The following NUS1 variants were observed in gnomAD, a reference collection of about 807,000 sequenced individuals.
NUS1 encodes dehydrodolichyl diphosphate synthase complex subunit NUS1.
For synonymous variants in NUS1, 135 were observed against 155.2 expected (o/e 0.87, Z 0.97); for missense variants, 292 against 382.9 (o/e 0.76, Z 1.98).
intron 4 of NUS1, among the ~76,000 whole-genome samples, chr6:117,704,887 A>C (rs2114694679): frequency 6.6e-6 from 1 of 152,292 alleles, no homozygotes; most frequent in Admixed American, 6.5e-5. Flanking sequence ...GGATACACTT[A>C]GTGTAGAACA....
At chr6:117,683,064 G>C (rs1306224739) in intron 1 of NUS1, among the ~76,000 whole-genome samples, 1 of 152,188 alleles carries the variant, frequency 6.6e-6, no homozygotes, top group Non-Finnish European at 1.5e-5. Context: ...CTCCAGCTTT[G>C]TGTTGAGCTG....
In NUS1 at chr6:117,676,607, A is replaced by G. The variant is rs142068144; in HGVS notation, c.415+522A>G. Among the ~76,000 whole-genome samples the G allele has an allele frequency of 4.3e-3, 651 of 152,324 alleles. 2 individuals carry two copies. The highest frequency in any genetic ancestry group is 0.015 in the African/African-American group (609 of 41,560). Reference sequence around the variant, plus strand: ...TAAGTAAATAAATAAATAAAAATAAATAAAAAATCTCTTATTCGTTATAAT... The same window carrying G: ...TAAGTAAATAAATAAATAAAAATAAGTAAAAAATCTCTTATTCGTTATAAT... On this transcript the variant is annotated intron_variant, in intron 1 of 4. Coordinates refer to ENST00000368494, the MANE Select transcript of NUS1 (RefSeq NM_138459.5).
At chr6:117,697,661 A>G (rs796737103) in intron 3 of NUS1, among the ~76,000 whole-genome samples, 8 of 152,060 alleles carry the variant, frequency 5.3e-5, no homozygotes, top group African/African-American at 1.9e-4. Flanking sequence ...ATATAAAGCC[A>G]ATATTAATAG....
chr6:117,705,618 TAC>T (rs1773489610), intron 4 of NUS1, among the ~76,000 whole-genome samples: 1 of 151,956 alleles, frequency 6.6e-6, no homozygotes, highest in Non-Finnish European at 1.5e-5. Flanking sequence ...TTAATCATAA[TAC>T]AGAGAAGGGA....
At position 117,706,909 on chromosome 6, in the gene NUS1, C is replaced by T. The variant is rs1049247260; in HGVS notation, c.792-16C>T. On this transcript the variant is annotated splice_polypyrimidine_tract_variant and intron_variant, in intron 4 of 4. Transcript: ENST00000368494. ...GTATATCTAATTGCTTTTCTCCCCC[C>T]GTGTTTTCTTTTCAGCTCTTTGCCT... 7.5e-6 allele frequency: 12 copies of T among 1,605,082 alleles called. No homozygotes were observed. The highest frequency in any genetic ancestry group is 4.5e-5 in the East Asian group (2 of 44,800).
chr6:117,681,915 C>T (rs757265423), intron 1 of NUS1, among the ~76,000 whole-genome samples: 4 of 152,196 alleles, frequency 2.6e-5, no homozygotes, highest in South Asian at 2.1e-4. Context: ...TCACTGCGAC[C>T]TCTGCCTCCG....
intron 2 of NUS1, among the ~76,000 whole-genome samples, chr6:117,693,675 T>C (rs1773276240): frequency 6.6e-6 from 1 of 152,232 alleles, no homozygotes; most frequent in African/African-American, 2.4e-5. Context: ...TTATTCTGTG[T>C]TACTGCTAAC....
intron 1 of NUS1, among the ~76,000 whole-genome samples, chr6:117,681,367 T>C (rs965559518): frequency 4.6e-5 from 7 of 152,236 alleles, no homozygotes; most frequent in African/African-American, 1.7e-4. Context: ...GTGTTATGCA[T>C]GTAATGAATA....
At chr6:117,684,892 T>TA (rs1048130094) in intron 1 of NUS1, among the ~76,000 whole-genome samples, 10 of 152,092 alleles carry the variant, frequency 6.6e-5, no homozygotes, top group South Asian at 2.1e-4. Flanking sequence ...ATTACACAAG[T>TA]AAAAAAAGCA....
intron 4 of NUS1, among the ~76,000 whole-genome samples, chr6:117,704,083 A>G (rs1436543209): frequency 6.6e-6 from 1 of 152,186 alleles, no homozygotes; most frequent in Non-Finnish European, 1.5e-5. Flanking sequence ...ACCAGAGCAG[A>G]CAGTGTTAGG....
intron 1 of NUS1, among the ~76,000 whole-genome samples, chr6:117,684,704 C>T (rs959817084): frequency 2.0e-5 from 3 of 152,074 alleles, no homozygotes; most frequent in African/African-American, 4.8e-5. Context: ...CTACTTTCCT[C>T]GAATGTGATG....
At chr6:117,683,555 C>T (rs1343440771) in intron 1 of NUS1, among the ~76,000 whole-genome samples, 1 of 152,146 alleles carries the variant, frequency 6.6e-6, no homozygotes, top group African/African-American at 2.4e-5. Context: ...ATTTTTAGAA[C>T]AGGCATTTAT....
chr6:117,688,655 A>G (rs1415087815), intron 1 of NUS1, among the ~76,000 whole-genome samples: 1 of 152,172 alleles, frequency 6.6e-6, no homozygotes, highest in African/African-American at 2.4e-5. Context: ...TCCGAGAGCT[A>G]GCTTTATTAG....
At chr6:117,693,903 T>TA in intron 2 of NUS1, 128 bp from the exon 3 acceptor site, 9 of 971,768 alleles carry the variant, frequency 9.3e-6, no homozygotes, top group East Asian at 2.8e-5. Flanking sequence ...TTGAAGGGCT[T>TA]AAAAAATTCT....
At chr6:117,685,372 TTTTC>T (rs1315487098) in intron 1 of NUS1, among the ~76,000 whole-genome samples, 9 of 152,122 alleles carry the variant, frequency 5.9e-5, no homozygotes, top group Admixed American at 5.2e-4. Flanking sequence ...TTGATATATC[TTTTC>T]TTTCTTTCTT....
intron 1 of NUS1, among the ~76,000 whole-genome samples, chr6:117,684,828 TG>T (rs1442983539): frequency 6.6e-6 from 1 of 152,240 alleles, no homozygotes; most frequent in African/African-American, 2.4e-5. Context: ...AAAAACTTTT[TG>T]TTTAATACAG....
chr6:117,703,784 G>A, intron 4 of NUS1, 80 bp downstream of exon 4: 1 of 964,480 alleles, frequency 1.0e-6, no homozygotes, highest in Non-Finnish European at 1.7e-6. Context: ...GATCTGGTGG[G>A]GATTTCCAAA....
At chr6:117,701,119 C>T (rs1028335081) in intron 3 of NUS1, among the ~76,000 whole-genome samples, 1 of 150,734 alleles carries the variant, frequency 6.6e-6, no homozygotes, top group Non-Finnish European at 1.5e-5. Context: ...AAAAACTCTG[C>T]TGGGGTTTTG....
intron 1 of NUS1, among the ~76,000 whole-genome samples, chr6:117,684,740 G>A (rs978324774): frequency 6.6e-6 from 1 of 152,120 alleles, no homozygotes; most frequent in South Asian, 2.1e-4. Flanking sequence ...GAGAGAATAT[G>A]CAATAGAGTG....
Sources: allele counts gnomAD v4.1 joint callset (sites outside exome capture counted in the v4.1 genomes callset), GRCh38; gene constraint gnomAD v4.1.1; transcripts MANE v1.5; gene names NCBI Gene and HGNC (gene_info 2026-07-23, HGNC 2026-07-21).